The following TMEM170B variants were observed in gnomAD, a reference collection of about 807,000 sequenced individuals.
TMEM170B encodes the protein transmembrane protein 170B.
A neutral mutation model predicts 13.0 loss-of-function variants in TMEM170B; 6 were observed. That is an observed-to-expected ratio of 0.46 (90% CI 0.25 to 0.91). The LOEUF is 0.91. Ranked by LOEUF, TMEM170B falls within the 40% of genes least tolerant of loss-of-function variation. TMEM170B has a pLI of 0.17. For synonymous variants in TMEM170B, 61 were observed against 64.9 expected (o/e 0.94, Z 0.29); for missense variants, 138 against 165.2 (o/e 0.84, Z 0.90).
In TMEM170B at chr6:11,577,243, T is replaced by A. The variant is rs1582148763; in HGVS notation, c.*1682T>A. On this transcript the variant is annotated 3_prime_UTR_variant, in exon 3 of 3. Coordinates refer to ENST00000379426, the MANE Select transcript of TMEM170B (RefSeq NM_001100829.3). ...AGTATGGAAGCCAATTTGGGAGATT[T>A]ACTAACACTGGCTTGGAAATTTGTT... 2 of 152,100 alleles carry A rather than the reference T, an allele frequency of 1.3e-5. No individual in the cohort carries two copies. The highest frequency in any genetic ancestry group is 1.3e-4 in the Admixed American group (2 of 15,254). 9.4% of individuals were successfully genotyped at this position (152,100 alleles called of 1,614,324 possible). A position where few individuals can be genotyped will look rare whatever the true frequency, so the allele number is the denominator to read the frequency against.
intron 1 of TMEM170B, among the ~76,000 whole-genome samples, chr6:11,551,648 A>T (rs1281956870): frequency 2.0e-5 from 3 of 152,234 alleles, no homozygotes; most frequent in Non-Finnish European, 4.4e-5. Flanking sequence ...AACACTGATG[A>T]ACAAAAGTGA....
In TMEM170B at chr6:11,580,887, C is replaced by T. The variant is rs979215555; in HGVS notation, c.*5326C>T. ...TTATATGTGAGGCTTCACTGACCAC[C>T]GTGCATTTTGAAATTGTATTGCATT... On this transcript the variant is annotated 3_prime_UTR_variant, in exon 3 of 3. Coordinates refer to ENST00000379426, the MANE Select transcript of TMEM170B (RefSeq NM_001100829.3). 6.6e-6 allele frequency: 1 copy of T among 152,194 alleles called. No homozygotes were observed. The highest frequency in any genetic ancestry group is 1.5e-5 in the Non-Finnish European group (1 of 68,060). 9.4% of individuals were successfully genotyped at this position (152,194 alleles called of 1,614,324 possible). A position where few individuals can be genotyped will look rare whatever the true frequency, so the allele number is the denominator to read the frequency against.
At chr6:11,552,169 AT>A (rs918474538) in intron 1 of TMEM170B, among the ~76,000 whole-genome samples, 1 of 152,092 alleles carries the variant, frequency 6.6e-6, no homozygotes, top group Non-Finnish European at 1.5e-5. Context: ...GGAACACCCG[AT>A]TTTTTTAAAA....
chr6:11,572,883 G>T (rs746783689), intron 2 of TMEM170B, among the ~76,000 whole-genome samples: 6 of 152,020 alleles, frequency 3.9e-5, no homozygotes, highest in Non-Finnish European at 7.4e-5. Flanking sequence ...TTACCTAAAT[G>T]ATATATCTAA....
chr6:11,560,582 T>TAAAA (rs11404962), intron 1 of TMEM170B, among the ~76,000 whole-genome samples: 3 of 135,658 alleles, frequency 2.2e-5, no homozygotes, highest in South Asian at 4.8e-4. Context: ...TGCTATCTCT[T>TAAAA]AAAAAAAAAA....
At chr6:11,568,064 T>G (rs1759758017) in intron 2 of TMEM170B, among the ~76,000 whole-genome samples, 1 of 151,632 alleles carries the variant, frequency 6.6e-6, no homozygotes, top group Non-Finnish European at 1.5e-5. Flanking sequence ...ATAATGGATA[T>G]GCAAAACATA....
chr6:11,549,389 C>T (rs1759487839), intron 1 of TMEM170B, among the ~76,000 whole-genome samples: 1 of 152,172 alleles, frequency 6.6e-6, no homozygotes, highest in African/African-American at 2.4e-5. Flanking sequence ...TCAGGCCAGG[C>T]ACGGTGGCTC....
At chr6:11,572,195 G>A (rs1009075114) in intron 2 of TMEM170B, among the ~76,000 whole-genome samples, 1 of 152,172 alleles carries the variant, frequency 6.6e-6, no homozygotes, top group Non-Finnish European at 1.5e-5. Context: ...GACTGCATGT[G>A]TGTGCTAGGG....
intron 1 of TMEM170B, among the ~76,000 whole-genome samples, chr6:11,562,312 G>C (rs1417897837): frequency 2.0e-5 from 3 of 151,386 alleles, no homozygotes; most frequent in Non-Finnish European, 4.4e-5. Flanking sequence ...TTGTTTGAGA[G>C]TAATGATCTG....
chr6:11,565,009 A>C (rs1759716507), intron 1 of TMEM170B, among the ~76,000 whole-genome samples: 1 of 152,220 alleles, frequency 6.6e-6, no homozygotes, highest in Non-Finnish European at 1.5e-5. Context: ...AATGTGAGAC[A>C]GAGAATGAAG....
chr6:11,552,273 C>G (rs1467398760), intron 1 of TMEM170B, among the ~76,000 whole-genome samples: 1 of 152,160 alleles, frequency 6.6e-6, no homozygotes, highest in Non-Finnish European at 1.5e-5. Context: ...ATAAATGACT[C>G]ACTTATTTCC....
At chr6:11,569,330 A>G (rs1759771486) in intron 2 of TMEM170B, among the ~76,000 whole-genome samples, 1 of 152,118 alleles carries the variant, frequency 6.6e-6, no homozygotes, top group African/African-American at 2.4e-5. Flanking sequence ...TTTTTGTCTT[A>G]TGGTTTATAC....
intron 1 of TMEM170B, among the ~76,000 whole-genome samples, chr6:11,546,303 T>G (rs139781337): frequency 1.6e-3 from 247 of 152,244 alleles, no homozygotes; most frequent in African/African-American, 5.5e-3. Flanking sequence ...TAAAGTATTT[T>G]TCATACAGCT....
At chr6:11,568,066 C>A (rs1309382898) in intron 2 of TMEM170B, among the ~76,000 whole-genome samples, 1 of 151,620 alleles carries the variant, frequency 6.6e-6, no homozygotes, top group African/African-American at 2.4e-5. Context: ...AATGGATATG[C>A]AAAACATATA....
chr6:11,548,923 A>G (rs369564272), intron 1 of TMEM170B, among the ~76,000 whole-genome samples: 1 of 118,638 alleles, frequency 8.4e-6, no homozygotes, highest in Admixed American at 1.0e-4. Flanking sequence ...GGGGTCTGTC[A>G]TGGGGTGGGG....
At position 11,567,468 on chromosome 6, in the gene TMEM170B, T is replaced by C. The variant is rs147100528; in HGVS notation, c.268+1632T>C. 1.1e-4 allele frequency among the ~76,000 whole-genome samples: 17 copies of C among 152,326 alleles called. No individual in the cohort carries two copies. The East Asian group carries it at 3.3e-3, about 29-fold the overall frequency. Reference sequence around the variant, plus strand: ...GTCTTTATGATGCAAGGGATTCCCTTCTTTACCCTTTCCAGAGTGATTGAC... The same window carrying C: ...GTCTTTATGATGCAAGGGATTCCCTCCTTTACCCTTTCCAGAGTGATTGAC... On this transcript the variant is annotated intron_variant, in intron 2 of 2. Transcript: ENST00000379426.
In TMEM170B at chr6:11,579,396, C is replaced by A. The variant is rs1304005660; in HGVS notation, c.*3835C>A. On this transcript the variant is annotated 3_prime_UTR_variant, in exon 3 of 3. Coordinates refer to ENST00000379426, the MANE Select transcript of TMEM170B (RefSeq NM_001100829.3). ...ATTACGTGAGATTGTTTATGAATGG[C>A]AAAGCAGTATGTATTTCACAGTAAA... 1 of 152,134 alleles carries A rather than the reference C, an allele frequency of 6.6e-6. No individual in the cohort carries two copies. Among genetic ancestry groups the A allele is most frequent in the Non-Finnish European group, 1.5e-5 (1 of 68,020 alleles). 9.4% of individuals were successfully genotyped at this position (152,134 alleles called of 1,614,324 possible). A position where few individuals can be genotyped will look rare whatever the true frequency, so the allele number is the denominator to read the frequency against.
Position 11,581,479 on chromosome 6 carries a change from A to G in TMEM170B, c.*5918A>G, listed in dbSNP as rs1682935829. ...ACGATTATGTACTGCACCCACATGT[A>G]TCTACTCTTGGTAGTAACATGACTC... is the stretch of plus-strand genomic sequence containing the variant. On this transcript the variant is annotated 3_prime_UTR_variant, in exon 3 of 3. Transcript: ENST00000379426. The G allele has an allele frequency of 6.6e-6, 1 of 152,210 alleles. No individual in the cohort carries two copies. The highest frequency in any genetic ancestry group is 1.5e-5 in the Non-Finnish European group (1 of 68,032). The allele number at this position is 152,210 out of a possible 1,614,324, so 9.4% of individuals were successfully genotyped here. A position where few individuals can be genotyped will look rare whatever the true frequency, so the allele number is the denominator to read the frequency against.
chr6:11,554,923 C>T (rs556704330), intron 1 of TMEM170B, among the ~76,000 whole-genome samples: 2 of 152,082 alleles, frequency 1.3e-5, no homozygotes, highest in South Asian at 2.1e-4. Context: ...GAAATGTTAG[C>T]GTGATTAAAA....
Sources: gnomAD v4.1 joint callset for allele counts (sites outside exome capture counted in the v4.1 genomes callset) on GRCh38, gnomAD v4.1.1 for gene constraint, MANE v1.5 for transcripts, NCBI Gene and HGNC (gene_info 2026-07-23, HGNC 2026-07-21) for gene names.